The following PCDHGA5 variants were observed in gnomAD, a reference collection of about 807,000 sequenced individuals.
The protein encoded by PCDHGA5 is protocadherin gamma subfamily A, 5.
PCDHGA5 carries 36 observed loss-of-function variants against 56.7 expected under a neutral mutation model. That is an observed-to-expected ratio of 0.64 (90% CI 0.49 to 0.84). The LOEUF (loss-of-function observed/expected upper bound fraction) is 0.84. Among genes scored for constraint, PCDHGA5 ranks in the 40% least tolerant of loss-of-function variants. The probability of loss-of-function intolerance (pLI) is 0.00; values close to 1 mark genes in which losing one functional copy is unlikely to be tolerated. For missense variants in PCDHGA5, 1,305 were observed against 1,201.5 expected, an observed-to-expected ratio of 1.09 and a Z score of -1.27; for synonymous variants, 563 against 520.2, an observed-to-expected ratio of 1.08 and a Z score of -1.12.
chr5:141,393,532 C>T (rs1411410420), intron 1 of PCDHGA5: 5 of 1,613,886 alleles, frequency 3.1e-6, no homozygotes, highest in African/African-American at 2.7e-5. Flanking sequence ...GACAATGCCC[C>T]GGTTTTTCCT....
In PCDHGA5 at chr5:141,432,296, G is replaced by T; in HGVS notation, c.2422-62511G>T. On this transcript the variant is annotated intron_variant, in intron 1 of 3. Coordinates refer to ENST00000518069, the MANE Select transcript of PCDHGA5 (RefSeq NM_018918.3). This position sits in a 1 kb window ranked among gnomAD's most constrained non-coding sequence, Gnocchi z 6.0. ...CGTGTCCATCAACTCCGACACTGGG[G>T]TACTGTATGCGCTGAGCTCCTTCGA... 1 of 1,614,224 alleles carries T rather than the reference G, an allele frequency of 6.2e-7. No individual in the cohort carries two copies. Among genetic ancestry groups the T allele is most frequent in the Non-Finnish European group, 8.5e-7 (1 of 1,180,044 alleles).
intron 2 of PCDHGA5, among the ~76,000 whole-genome samples, chr5:141,497,050 G>A (rs113054804): frequency 6.6e-5 from 10 of 152,096 alleles, no homozygotes; most frequent in East Asian, 5.8e-4. Context: ...TTAGCCAGGC[G>A]TGGTGGCAGG....
At chr5:141,371,049 G>T in intron 1 of PCDHGA5, 1 of 1,613,942 alleles carries the variant, frequency 6.2e-7, no homozygotes, top group Non-Finnish European at 8.5e-7. Flanking sequence ...GGATGGGGGC[G>T]AGCCCTCCAG....
intron 2 of PCDHGA5, among the ~76,000 whole-genome samples, chr5:141,498,967 G>A (rs896386012): frequency 1.5e-5 from 2 of 129,584 alleles, no homozygotes. Context: ...GAGGGAGGGA[G>A]GGAGGGAAGG....
chr5:141,403,853 A>G (rs765359583), intron 1 of PCDHGA5: 3 of 1,613,726 alleles, frequency 1.9e-6, no homozygotes, highest in Non-Finnish European at 2.5e-6. Context: ...TACTGGGGAA[A>G]TATCAACAGC....
At chr5:141,392,465 C>A (rs2092539675) in intron 1 of PCDHGA5, 2 of 174,278 alleles carry the variant, frequency 1.1e-5, no homozygotes, top group Admixed American at 6.2e-5. Flanking sequence ...ACGGATAAAT[C>A]AAATAAATTC....
intron 1 of PCDHGA5, among the ~76,000 whole-genome samples, chr5:141,369,109 A>G (rs1037761317): frequency 1.3e-5 from 2 of 152,176 alleles, no homozygotes; most frequent in African/African-American, 4.8e-5. Flanking sequence ...TGGAATTAAA[A>G]CTGTAAGACA....
intron 1 of PCDHGA5, chr5:141,395,539 TG>T: frequency 9.6e-6 from 2 of 208,432 alleles, no homozygotes; most frequent in Non-Finnish European, 1.6e-5. Flanking sequence ...ATTTTGCTAT[TG>T]TTTGTGTGTG....
chr5:141,448,145 A>G (rs2098568457), intron 1 of PCDHGA5, among the ~76,000 whole-genome samples: 1 of 151,716 alleles, frequency 6.6e-6, no homozygotes, highest in South Asian at 2.1e-4. Flanking sequence ...TATACCTCAG[A>G]CTCACCCCTG....
At chr5:141,392,575 T>C (rs1185769260) in intron 1 of PCDHGA5, 2 of 459,466 alleles carry the variant, frequency 4.4e-6, no homozygotes, top group Non-Finnish European at 7.7e-6. Flanking sequence ...TATTTAGGAC[T>C]GTAAGCGCCG....
Position 141,410,123 on chromosome 5 carries a change from C to T in PCDHGA5, c.2421+43372C>T. ...AGGCGACAGGGACGCAGCCCGCCAG[C>T]GCCTGCTGGTCGCTGTGCGTGACGG... On this transcript the variant is annotated intron_variant, in intron 1 of 3. Coordinates refer to ENST00000518069, the MANE Select transcript of PCDHGA5 (RefSeq NM_018918.3). The T allele has an allele frequency of 1.2e-6, 2 of 1,612,780 alleles. No individual in the cohort carries two copies. The highest frequency in any genetic ancestry group is 1.7e-6 in the Non-Finnish European group (2 of 1,179,646).
At chr5:141,497,464 T>G (rs1277760390) in intron 2 of PCDHGA5, among the ~76,000 whole-genome samples, 1 of 151,764 alleles carries the variant, frequency 6.6e-6, no homozygotes, top group Non-Finnish European at 1.5e-5. Flanking sequence ...CTTGGAGATA[T>G]GGAGGAGAAG....
Position 141,414,566 on chromosome 5 carries a change from A to G in PCDHGA5, c.2421+47815A>G, listed in dbSNP as rs375828619. The stretch of plus-strand genomic sequence containing the variant: ...TTCTCTCAAGTCTCCTACTTTACCT[A>G]TATCCCAGAGAACAACGCCAGGGGT... On this transcript the variant is annotated intron_variant, in intron 1 of 3. Coordinates refer to ENST00000518069, the MANE Select transcript of PCDHGA5 (RefSeq NM_018918.3). The G allele has an allele frequency of 6.6e-5, 106 of 1,613,800 alleles. No homozygotes were observed. Among genetic ancestry groups the G allele is most frequent in the Non-Finnish European group, 8.4e-5 (99 of 1,179,878 alleles).
intron 1 of PCDHGA5, chr5:141,375,887 G>T (rs1290311886): frequency 2.5e-6 from 4 of 1,613,656 alleles, no homozygotes; most frequent in South Asian, 1.1e-5. Context: ...GGGCCAGAAC[G>T]CCTGGCTGTC....
intron 1 of PCDHGA5, chr5:141,427,892 C>A (rs752723370): frequency 9.9e-5 from 155 of 1,567,044 alleles, no homozygotes; most frequent in Non-Finnish European, 1.3e-4. Context: ...ACGACCAGGG[C>A]TCGCCCGCGC....
Position 141,422,436 on chromosome 5 carries a change from C to T in PCDHGA5, c.2421+55685C>T, listed in dbSNP as rs200737047. The T allele has an allele frequency of 1.2e-5, 20 of 1,609,634 alleles. No homozygotes were observed. The East Asian group carries it at 4.0e-4, about 32-fold the overall frequency. On this transcript the variant is annotated intron_variant, in intron 1 of 3. Coordinates refer to ENST00000518069, the MANE Select transcript of PCDHGA5 (RefSeq NM_018918.3). The stretch of plus-strand genomic sequence containing the variant: ...TAGAAAAGACTTATGGAAATTATTA[C>T]AAATTGATAACAAGCAGAGTGCTGG...
At chr5:141,460,368 G>A (rs1005554535) in intron 1 of PCDHGA5, among the ~76,000 whole-genome samples, 1 of 152,050 alleles carries the variant, frequency 6.6e-6, no homozygotes. Context: ...AAGTTTTATA[G>A]TTTTACCATT....
intron 1 of PCDHGA5, among the ~76,000 whole-genome samples, chr5:141,448,711 C>T (rs62379167): frequency 0.23 from 35,567 of 151,844 alleles, 4,336 homozygotes; most frequent in Admixed American, 0.32. Context: ...GAGGCCGAGG[C>T]GGGAGGATCA....
chr5:141,497,858 C>T (rs920483410), intron 2 of PCDHGA5, among the ~76,000 whole-genome samples: 3 of 152,218 alleles, frequency 2.0e-5, no homozygotes, highest in Non-Finnish European at 2.9e-5. Flanking sequence ...TTTGATTCAG[C>T]GGCTCCAAAG....
Sources: allele counts gnomAD v4.1 joint callset (sites outside exome capture counted in the v4.1 genomes callset), GRCh38; gene constraint gnomAD v4.1.1; non-coding constraint Gnocchi (gnomAD v3.1); transcripts MANE v1.5; gene names NCBI Gene and HGNC (gene_info 2026-07-23, HGNC 2026-07-21).